The following GJB7 variants were observed in gnomAD, a reference collection of about 807,000 sequenced individuals.
GJB7 encodes gap junction beta-7 protein.
For synonymous variants in GJB7, 87 were observed against 95.2 expected (o/e 0.91, Z 0.50); for missense variants, 253 against 256.8 (o/e 0.99, Z 0.10).
chr6:87,284,260 G>T lies in GJB7; in HGVS notation c.653C>A (p.Pro218His). ...TGGCACTCACACACTGAGGACTTGA[G>T]GTTTTTTTAAATATTTTTGGAGACA... ...KCCLQKYLKKPQVLSV is the reference protein window; with the variant it reads ...KCCLQKYLKKHQVLSV The change falls in exon 3 of 3, where the codon CCT becomes CAT. Residue 218 changes from proline to histidine, a missense_variant. Physicochemically the swap from Pro to His is moderately conservative, Grantham distance 77. Coordinates refer to ENST00000525899, the MANE Select transcript of GJB7 (RefSeq NM_198568.3). 6.2e-7 allele frequency: 1 copy of T among 1,613,394 alleles called. No homozygotes were observed. Among genetic ancestry groups the T allele is most frequent in the South Asian group, 1.1e-5 (1 of 91,036 alleles).
At chr6:87,298,681 AT>A (rs1776279313) in intron 2 of GJB7, 1 of 178,194 alleles carries the variant, frequency 5.6e-6, no homozygotes, top group Non-Finnish European at 1.2e-5. Flanking sequence ...AATTTCAGCC[AT>A]TTAATCAAAA....
At chr6:87,322,168 C>A (rs1036994685) in intron 2 of GJB7, 4 of 152,204 alleles carry the variant, frequency 2.6e-5, no homozygotes, top group African/African-American at 9.6e-5. Flanking sequence ...AAGGCCCTAA[C>A]GTAATGGCAG....
intron 2 of GJB7, among the ~76,000 whole-genome samples, chr6:87,311,835 G>T (rs1776515602): frequency 6.6e-6 from 1 of 152,150 alleles, no homozygotes; most frequent in African/African-American, 2.4e-5. Flanking sequence ...ATTGACACAG[G>T]TGGTCTCAGC....
intron 1 of GJB7, among the ~76,000 whole-genome samples, chr6:87,325,105 T>C (rs989703337): frequency 1.2e-4 from 18 of 152,274 alleles, no homozygotes; most frequent in African/African-American, 3.1e-4. Context: ...GTGATTTTTG[T>C]ACATTGATTT....
chr6:87,291,231 A>G (rs915514438), intron 2 of GJB7, among the ~76,000 whole-genome samples: 3 of 152,170 alleles, frequency 2.0e-5, no homozygotes, highest in Admixed American at 1.3e-4. Context: ...GTAATGTTCA[A>G]TTTTTATTTT....
chr6:87,317,311 T>C (rs904308931), intron 2 of GJB7, among the ~76,000 whole-genome samples: 1 of 151,994 alleles, frequency 6.6e-6, no homozygotes, highest in Non-Finnish European at 1.5e-5. Context: ...TTGCAGTGAG[T>C]TAAGATTGCG....
chr6:87,284,991 C>T (rs1211837740), intron 2 of GJB7, 52 bp from the exon 3 acceptor site: 5 of 1,143,994 alleles, frequency 4.4e-6, no homozygotes, highest in Admixed American at 4.5e-5. Flanking sequence ...TTCTACAGAT[C>T]GTTTCTACTA....
At chr6:87,305,645 A>T (rs1338834617) in intron 2 of GJB7, among the ~76,000 whole-genome samples, 1 of 152,218 alleles carries the variant, frequency 6.6e-6, no homozygotes, top group African/African-American at 2.4e-5. Flanking sequence ...CAAGCTGCCA[A>T]TGACATTCTT....
intron 2 of GJB7, among the ~76,000 whole-genome samples, chr6:87,311,779 T>C (rs970524721): frequency 3.3e-5 from 5 of 152,206 alleles, no homozygotes; most frequent in African/African-American, 1.2e-4. Flanking sequence ...TGTTCTGCAA[T>C]CACATTTTTC....
intron 2 of GJB7, among the ~76,000 whole-genome samples, chr6:87,306,338 A>C (rs1450922529): frequency 1.3e-5 from 2 of 152,228 alleles, no homozygotes. Context: ...TAAGAAAAAA[A>C]ACAACCCCAT....
intron 2 of GJB7, among the ~76,000 whole-genome samples, chr6:87,294,148 G>T (rs139892090): frequency 6.6e-6 from 1 of 152,176 alleles, no homozygotes; most frequent in Non-Finnish European, 1.5e-5. Flanking sequence ...AGGATAAAGC[G>T]AAATAAGAAA....
chr6:87,295,051 T>C (rs1294685272), intron 2 of GJB7, among the ~76,000 whole-genome samples: 4 of 152,008 alleles, frequency 2.6e-5, no homozygotes, highest in African/African-American at 9.7e-5. Context: ...AGCTGCTCAA[T>C]AGATGACAGC....
At chr6:87,296,910 T>G (rs1003891282) in intron 2 of GJB7, among the ~76,000 whole-genome samples, 2 of 152,218 alleles carry the variant, frequency 1.3e-5, no homozygotes, top group Non-Finnish European at 2.9e-5. Flanking sequence ...GGCTGATCTT[T>G]AATAATATTT....
rs1460268837 is a variant in GJB7, at chr6:87,283,929, C to T, written c.*312G>A. ...TTTGCAATTACCTATTCTAAAACAA[C>T]TAATGTTATCCACATACTGGAGAAC... On this transcript the variant is annotated 3_prime_UTR_variant, in exon 3 of 3. Coordinates refer to ENST00000525899, the MANE Select transcript of GJB7 (RefSeq NM_198568.3). 4.8e-6 allele frequency: 1 copy of T among 208,416 alleles called. No individual in the cohort carries two copies. Among genetic ancestry groups the T allele is most frequent in the East Asian group, 9.9e-5 (1 of 10,124 alleles). 12.9% of individuals were successfully genotyped at this position (208,416 alleles called of 1,614,324 possible).
At chr6:87,296,209 CTG>C (rs1448106654) in intron 2 of GJB7, among the ~76,000 whole-genome samples, 2 of 152,180 alleles carry the variant, frequency 1.3e-5, no homozygotes, top group East Asian at 3.8e-4. Context: ...TTAAGAAAAA[CTG>C]TGTGTGCACA....
chr6:87,302,626 T>G (rs1776351181), intron 2 of GJB7, among the ~76,000 whole-genome samples: 1 of 152,196 alleles, frequency 6.6e-6, no homozygotes, highest in South Asian at 2.1e-4. Flanking sequence ...GCAGGAGAAC[T>G]TCCCCAACCT....
chr6:87,303,148 A>C (rs1776363229), intron 2 of GJB7, among the ~76,000 whole-genome samples: 1 of 152,194 alleles, frequency 6.6e-6, no homozygotes, highest in Non-Finnish European at 1.5e-5. Context: ...CTAACATCAT[A>C]ATGACAGGAT....
chr6:87,324,613 T>C (rs1776768877), intron 1 of GJB7, among the ~76,000 whole-genome samples: 1 of 149,860 alleles, frequency 6.7e-6, no homozygotes, highest in Admixed American at 6.7e-5. Flanking sequence ...GGCTCTGTTC[T>C]ATTCCATTGA....
chr6:87,285,625 C>G (rs1776047439), intron 2 of GJB7, among the ~76,000 whole-genome samples: 1 of 152,244 alleles, frequency 6.6e-6, no homozygotes, highest in Non-Finnish European at 1.5e-5. Context: ...CATTCACGCT[C>G]TATATCCCAT....
Sources: gnomAD v4.1 joint callset for allele counts (sites outside exome capture counted in the v4.1 genomes callset) on GRCh38, gnomAD v4.1.1 for gene constraint, MANE v1.5 for transcripts, NCBI Gene and HGNC (gene_info 2026-07-23, HGNC 2026-07-21) for gene names.